Variants in MOCS1 observed in about 807,000 individuals in gnomAD.
MOCS1 encodes the protein molybdenum cofactor biosynthesis protein 1.
MOCS1 carries 39 observed loss-of-function variants against 57.6 expected under a neutral mutation model. That is an observed-to-expected ratio of 0.68 (90% CI 0.52 to 0.88). The LOEUF is 0.88. MOCS1 is among the 40% of genes least tolerant of loss of function. The pLI, the probability that MOCS1 is intolerant of heterozygous loss-of-function variation, is 0.00. For missense variants in MOCS1, 795 were observed against 831.1 expected (o/e 0.96, Z 0.53); for synonymous variants, 334 against 335.7 (o/e 1.00, Z 0.05).
intron 3 of MOCS1, among the ~76,000 whole-genome samples, chr6:39,918,854 T>C (rs1177213320): frequency 6.6e-6 from 1 of 151,362 alleles, no homozygotes; most frequent in Non-Finnish European, 1.5e-5. Context: ...AAAAAAATAA[T>C]AAAGTTTACA....
chr6:39,910,833 C>T (rs1008132779), intron 8 of MOCS1, among the ~76,000 whole-genome samples: 3 of 152,138 alleles, frequency 2.0e-5, no homozygotes, highest in Non-Finnish European at 2.9e-5. Flanking sequence ...CCCCTCCCGC[C>T]CCCCAGCTGG....
Position 39,914,926 on chromosome 6 carries a change from CCA to C in MOCS1, c.584-1093_584-1092del, listed in dbSNP as rs368243943. Among the ~76,000 whole-genome samples the C allele has an allele frequency of 1.8e-3, 279 of 152,232 alleles. 1 individual carries two copies. The highest frequency in any genetic ancestry group is 6.4e-3 in the African/African-American group (267 of 41,528). ...GCAGTACAGCCCACAGATCCACCTCCCACTTTCCCACCGTAGAGCCCTTGCAG... is the reference window on the plus strand; with the variant it reads ...GCAGTACAGCCCACAGATCCACCTCCCTTTCCCACCGTAGAGCCCTTGCAG... On this transcript the variant is annotated intron_variant, in intron 4 of 10. Transcript: ENST00000340692.
intron 3 of MOCS1, among the ~76,000 whole-genome samples, chr6:39,919,058 G>C (rs1303708840): frequency 6.6e-6 from 1 of 152,194 alleles, no homozygotes; most frequent in Admixed American, 6.5e-5. Context: ...TATGGGCAAA[G>C]AATGCGAGTA....
At chr6:39,913,644 T>G (rs1582813160) in intron 5 of MOCS1, 130 bp downstream of exon 5, 1 of 1,120,102 alleles carries the variant, frequency 8.9e-7, no homozygotes, top group Non-Finnish European at 1.4e-6. Context: ...AGAGAAGAGG[T>G]GGAAGGGTGC....
Position 39,913,214 on chromosome 6 carries a change from C to A in MOCS1, c.757+103G>T, listed in dbSNP as rs1767444125. 1.9e-5 allele frequency: 20 copies of A among 1,043,850 alleles called. No homozygotes were observed. The South Asian group carries it at 2.4e-4, about 13-fold the overall frequency. 64.7% of individuals were successfully genotyped at this position (1,043,850 alleles called of 1,614,324 possible). A position where few individuals can be genotyped will look rare whatever the true frequency, so the allele number is the denominator to read the frequency against. On this transcript the variant is annotated intron_variant, in intron 6 of 10. Transcript: ENST00000340692. ...ACCAACAGCCCATCATAATCCTAGA[C>A]TCACTGCCCCTGAGGTCAGCCATAC...
rs555303409 is a variant in MOCS1 at position 39,914,501 on chromosome 6, C to T, written c.584-666G>A. 5.3e-5 allele frequency among the ~76,000 whole-genome samples: 8 copies of T among 152,350 alleles called. No individual in the cohort carries two copies. The East Asian group carries it at 7.7e-4, about 15-fold the overall frequency. ...GGCTGGTAAGCAATTATTGTCTCAA[C>T]AATCATTAACCACAGTCAATGTGAC... On this transcript the variant is annotated intron_variant, in intron 4 of 10. Transcript: ENST00000340692.
At chr6:39,914,938 C>T (rs1767570031) in intron 4 of MOCS1, among the ~76,000 whole-genome samples, 1 of 152,130 alleles carries the variant, frequency 6.6e-6, no homozygotes, top group South Asian at 2.1e-4. Flanking sequence ...ACTTTCCCAC[C>T]GTAGAGCCCT....
chr6:39,905,333 C>A lies in MOCS1; in HGVS notation c.*1024G>T. 2.2e-6 allele frequency: 1 copy of A among 457,488 alleles called. No homozygotes were observed. The allele number at this position is 457,488 out of a possible 1,614,324, so 28.3% of individuals were successfully genotyped here. A position where few individuals can be genotyped will look rare whatever the true frequency, so the allele number is the denominator to read the frequency against. On this transcript the variant is annotated 3_prime_UTR_variant, in exon 11 of 11. Coordinates refer to ENST00000340692, the MANE Select transcript of MOCS1 (RefSeq NM_001358530.2). ...AGATGGTGCATTTCTATGCCCCCTACTCCACTTTATTTTCCCATAGCGGGG... is the reference window on the plus strand; with the variant it reads ...AGATGGTGCATTTCTATGCCCCCTAATCCACTTTATTTTCCCATAGCGGGG...
rs762761129 is a variant in MOCS1 at position 39,906,333 on chromosome 6, G to A, written c.*24C>T. 2.0e-5 allele frequency: 32 copies of A among 1,598,310 alleles called. No individual in the cohort carries two copies. Among genetic ancestry groups the A allele is most frequent in the Non-Finnish European group, 2.5e-5 (29 of 1,169,516 alleles). ...TGCATCCCAGCTCCAGGCCTGGGTG[G>A]GCCATGGGTGAGAAGGGCAGGTGCT... is the stretch of plus-strand genomic sequence containing the variant. On this transcript the variant is annotated 3_prime_UTR_variant, in exon 11 of 11. Transcript: ENST00000340692.
At chr6:39,926,627 T>C (rs1043195323) in intron 2 of MOCS1, among the ~76,000 whole-genome samples, 3 of 144,440 alleles carry the variant, frequency 2.1e-5, no homozygotes, top group African/African-American at 7.8e-5. Context: ...GTACATCTTG[T>C]TTGGTTAAAA....
rs755366490 is a variant in MOCS1, at chr6:39,906,205, CTGTT to C, written c.*148_*151del. ...CATTAGAGATCATCTAGCAGCAGGC[CTGTT>C]TGTTAGTAGTAGAGCAGGCTGACTT... On this transcript the variant is annotated 3_prime_UTR_variant, in exon 11 of 11. Transcript: ENST00000340692. 5 of 943,446 alleles carry C rather than the reference CTGTT, an allele frequency of 5.3e-6. No individual in the cohort carries two copies. The highest frequency in any genetic ancestry group is 4.8e-5 in the African/African-American group (3 of 62,348). The allele number at this position is 943,446 out of a possible 1,614,324, so 58.4% of individuals were successfully genotyped here. A position where few individuals can be genotyped will look rare whatever the true frequency, so the allele number is the denominator to read the frequency against.
At chr6:39,913,266 C>A in intron 6 of MOCS1, 51 bp downstream of exon 6, 1 of 1,517,134 alleles carries the variant, frequency 6.6e-7, no homozygotes, top group Non-Finnish European at 9.2e-7. Context: ...ACTATGCGAC[C>A]TGCAGGCCCA....
chr6:39,917,838 GA>G (rs1767748229), intron 3 of MOCS1, among the ~76,000 whole-genome samples: 1 of 152,094 alleles, frequency 6.6e-6, no homozygotes, highest in Non-Finnish European at 1.5e-5. Context: ...GTTACAAGAA[GA>G]AAAAACTTGA....
In MOCS1 at chr6:39,904,801, C is replaced by T. The variant is rs1766732641; in HGVS notation, c.*1556G>A. On this transcript the variant is annotated 3_prime_UTR_variant, in exon 11 of 11. Coordinates refer to ENST00000340692, the MANE Select transcript of MOCS1 (RefSeq NM_001358530.2). ...GGACATAATCTACAGTGTCCTTTTT[C>T]ACTTGCACCTTTTTTATAAGAATAT... 1 of 454,086 alleles carries T rather than the reference C, an allele frequency of 2.2e-6. No individual in the cohort carries two copies. Among genetic ancestry groups the T allele is most frequent in the Non-Finnish European group, 4.4e-6 (1 of 226,782 alleles). The allele number at this position is 454,086 out of a possible 1,614,324, so 28.1% of individuals were successfully genotyped here. A position where few individuals can be genotyped will look rare whatever the true frequency, so the allele number is the denominator to read the frequency against.
In MOCS1 at chr6:39,905,444, T is replaced by TTGA. The variant is rs1318523580; in HGVS notation, c.*910_*912dup. 1.3e-5 allele frequency: 6 copies of TTGA among 470,862 alleles called. No homozygotes were observed. Among genetic ancestry groups the TTGA allele is most frequent in the Non-Finnish European group, 2.2e-5 (5 of 227,074 alleles). The allele number at this position is 470,862 out of a possible 1,614,324, so 29.2% of individuals were successfully genotyped here. A position where few individuals can be genotyped will look rare whatever the true frequency, so the allele number is the denominator to read the frequency against. Reference sequence around the variant, plus strand: ...TGTGTCTTGGGATAGGATTGATTGATTGATTGATAGGTGCAGCCTTCCCTG... The same window carrying TTGA: ...TGTGTCTTGGGATAGGATTGATTGATTGATGATTGATAGGTGCAGCCTTCCCTG... On this transcript the variant is annotated 3_prime_UTR_variant, in exon 11 of 11. Transcript: ENST00000340692.
Position 39,906,399 on chromosome 6 carries a change from A to G in MOCS1, c.1869T>C (p.Ile623=), listed in dbSNP as rs749516971. The part of the protein sequence containing the change: ...RDIVLEEIKL[I]SKTGGQRGDF... ...CCCCCCGCTGACCACCAGTCTTGCTAATGAGCTTGATCTCCTCCAACACGA... is the reference window on the plus strand; with the variant it reads ...CCCCCCGCTGACCACCAGTCTTGCTGATGAGCTTGATCTCCTCCAACACGA... Residue 623 remains isoleucine (I), a synonymous_variant, in exon 11 of 11, where the codon ATT becomes ATC. Coordinates refer to ENST00000340692, the MANE Select transcript of MOCS1 (RefSeq NM_001358530.2). 4.4e-6 allele frequency: 7 copies of G among 1,601,194 alleles called. No homozygotes were observed. Among genetic ancestry groups the G allele is most frequent in the Non-Finnish European group, 6.0e-6 (7 of 1,170,382 alleles).
At position 39,919,524 on chromosome 6, in the gene MOCS1, A is replaced by C. The variant is rs924445847; in HGVS notation, c.419-3292T>G. On this transcript the variant is annotated intron_variant, in intron 3 of 10. Transcript: ENST00000340692. ...ACAAACAAAAAACAGCAACAAAAAA[A>C]AAAAAAACCTGATAAGCTGATTTCA... Among the ~76,000 whole-genome samples the C allele has an allele frequency of 2.6e-3, 397 of 152,244 alleles. 1 individual carries two copies. The highest frequency in any genetic ancestry group is 3.4e-3 in the Non-Finnish European group (234 of 68,020).
intron 2 of MOCS1, 116 bp from the exon 3 acceptor site, chr6:39,925,961 G>T: frequency 8.7e-7 from 1 of 1,148,858 alleles, no homozygotes; most frequent in Non-Finnish European, 1.2e-6. Flanking sequence ...CCATCTGGAT[G>T]TGAGCGGAGA....
intron 3 of MOCS1, among the ~76,000 whole-genome samples, chr6:39,917,166 G>C (rs1159724264): frequency 1.3e-5 from 2 of 152,188 alleles, no homozygotes; most frequent in African/African-American, 4.8e-5. Flanking sequence ...ATAAAGAAAA[G>C]AGGTTTCATT....
Sources: allele counts gnomAD v4.1 joint callset (sites outside exome capture counted in the v4.1 genomes callset), GRCh38; gene constraint gnomAD v4.1.1; transcripts MANE v1.5; gene names NCBI Gene and HGNC (gene_info 2026-07-23, HGNC 2026-07-21).